The following XPOT variants were observed in gnomAD, a reference collection of about 807,000 sequenced individuals.
XPOT encodes exportin for tRNA.
XPOT carries 34 observed loss-of-function variants against 128.2 expected under a neutral mutation model. That is an observed-to-expected ratio of 0.27 (90% CI 0.20 to 0.35). The LOEUF (loss-of-function observed/expected upper bound fraction) is 0.35, where lower values mean the gene tolerates loss of function less well. Among genes scored for constraint, XPOT ranks in the 10% least tolerant of loss-of-function variants. XPOT has a pLI of 1.00. For missense variants in XPOT, 838 were observed against 1,125.3 expected, an observed-to-expected ratio of 0.74 and a Z score of 3.65; for synonymous variants, 348 against 394.3, an observed-to-expected ratio of 0.88 and a Z score of 1.39.
chr12:64,423,232 C>T lies in XPOT; in HGVS notation c.1170C>T (p.Asn390=). The part of the protein sequence containing the change: ...MKKLTYDEEY[N]FENEGEDEAM... ...AATTGACTTACGATGAAGAATATAACTTTGAAAATGAGGTAAGAATTTTTT... is the reference window on the plus strand; with the variant it reads ...AATTGACTTACGATGAAGAATATAATTTTGAAAATGAGGTAAGAATTTTTT... The change falls in exon 11 of 25, where the codon AAC becomes AAT. Residue 390 remains asparagine (N), a synonymous_variant. Coordinates refer to ENST00000332707, the MANE Select transcript of XPOT (RefSeq NM_007235.6). 1 of 1,579,796 alleles carries T rather than the reference C, an allele frequency of 6.3e-7. No individual in the cohort carries two copies. The highest frequency in any genetic ancestry group is 2.3e-5 in the East Asian group (1 of 44,234).
chr12:64,438,713 C>T (rs1181444943), intron 22 of XPOT, among the ~76,000 whole-genome samples: 1 of 151,490 alleles, frequency 6.6e-6, no homozygotes. Context: ...CTGCAGCCTG[C>T]GCCTGCCAGT....
At chr12:64,413,094 A>C (rs1339409177) in intron 2 of XPOT, among the ~76,000 whole-genome samples, 1 of 152,142 alleles carries the variant, frequency 6.6e-6, no homozygotes, top group Admixed American at 6.5e-5. Context: ...AAAAGTTTCA[A>C]CACTCTAATC....
At chr12:64,426,042 G>A in intron 15 of XPOT, 133 bp downstream of exon 15, 1 of 792,734 alleles carries the variant, frequency 1.3e-6, no homozygotes, top group Non-Finnish European at 2.1e-6. Flanking sequence ...TGTAGGCCAG[G>A]TATGGTGGCT....
chr12:64,407,561 T>A (rs2039994650), intron 1 of XPOT, among the ~76,000 whole-genome samples: 1 of 151,798 alleles, frequency 6.6e-6, no homozygotes, highest in South Asian at 2.1e-4. Context: ...GGATGGGGCA[T>A]GTAATCCAAT....
chr12:64,441,147 A>T (rs535293956), intron 23 of XPOT, among the ~76,000 whole-genome samples: 1 of 152,196 alleles, frequency 6.6e-6, no homozygotes, highest in Non-Finnish European at 1.5e-5. Flanking sequence ...GCACGTAGAT[A>T]TCCAGTTTTA....
chr12:64,412,304 C>A (rs1189375897), intron 2 of XPOT, among the ~76,000 whole-genome samples: 1 of 152,106 alleles, frequency 6.6e-6, no homozygotes, highest in Non-Finnish European at 1.5e-5. Flanking sequence ...GGATTACAGG[C>A]ATGACTCACC....
intron 1 of XPOT, among the ~76,000 whole-genome samples, chr12:64,406,105 T>C (rs2039979167): frequency 6.6e-6 from 1 of 152,176 alleles, no homozygotes; most frequent in Non-Finnish European, 1.5e-5. Flanking sequence ...ACACAGTGTC[T>C]CACTCTGTCG....
At position 64,423,016 on chromosome 12, in the gene XPOT, C is replaced by G. The variant is rs138012428; in HGVS notation, c.1092C>G (p.Leu364=). ...YLHILKQLTV[L]SDQQKANVEA... ...TTCCTTTTTAACAGCTTACAGTGCTCTCGGATCAGCAAAAAGCTAATGTAG... is the reference window on the plus strand; with the variant it reads ...TTCCTTTTTAACAGCTTACAGTGCTGTCGGATCAGCAAAAAGCTAATGTAG... The change falls in exon 10 of 25, where the codon CTC becomes CTG. Residue 364 remains leucine, a synonymous_variant. Coordinates refer to ENST00000332707, the MANE Select transcript of XPOT (RefSeq NM_007235.6). The G allele has an allele frequency of 2.7e-5, 43 of 1,613,056 alleles. No individual in the cohort carries two copies. Among genetic ancestry groups the G allele is most frequent in the Non-Finnish European group, 3.5e-5 (41 of 1,179,940 alleles).
chr12:64,427,971 T>G (rs2040206702), intron 15 of XPOT, 80 bp from the exon 16 acceptor site: 1 of 941,428 alleles, frequency 1.1e-6, no homozygotes, highest in South Asian at 1.5e-5. Flanking sequence ...TTTTTAGTTC[T>G]GTCTTAAAGG....
Position 64,430,231 on chromosome 12 carries a change from T to A in XPOT, c.1920T>A (p.Asp640Glu). 1.9e-6 allele frequency: 3 copies of A among 1,612,294 alleles called. No homozygotes were observed. Among genetic ancestry groups the A allele is most frequent in the Non-Finnish European group, 2.5e-6 (3 of 1,179,300 alleles). Residue 640 changes from aspartate to glutamate, a missense_variant, in exon 17 of 25, where the codon GAT (aspartate) becomes GAA (glutamate). This residue lies in a region of XPOT where 761 missense variants were observed against 988.3 expected (regional missense o/e 0.77). Transcript: ENST00000332707. ...ILLEKLMLAQ[D>E]EERQASLADC... is the part of the protein sequence containing the mutation. ...TAGAAAAGTTGATGCTGGCACAAGATGAAGAAAGGCAAGCCTCTCTAGCAG... is the reference window on the plus strand; with the variant it reads ...TAGAAAAGTTGATGCTGGCACAAGAAGAAGAAAGGCAAGCCTCTCTAGCAG...
At position 64,440,506 on chromosome 12, in the gene XPOT, C is replaced by T. The variant is rs543468035; in HGVS notation, c.2805+1191C>T. 1.4e-4 allele frequency among the ~76,000 whole-genome samples: 22 copies of T among 152,226 alleles called. No individual in the cohort carries two copies. The South Asian group carries it at 4.4e-3, about 30-fold the overall frequency. On this transcript the variant is annotated intron_variant, in intron 23 of 24. Coordinates refer to ENST00000332707, the MANE Select transcript of XPOT (RefSeq NM_007235.6). ...TGGGATTGCTGGATTATATGGTAGTCCTATTTTTAATTTTTTGAAGAAACA... is the reference window on the plus strand; with the variant it reads ...TGGGATTGCTGGATTATATGGTAGTTCTATTTTTAATTTTTTGAAGAAACA...
intron 1 of XPOT, chr12:64,405,479 A>C (rs2039970912): frequency 6.6e-6 from 1 of 152,242 alleles, no homozygotes; most frequent in Non-Finnish European, 1.5e-5. Flanking sequence ...GTAGGTGTAG[A>C]GGAATTTTTC....
intron 13 of XPOT, 45 bp from the exon 14 acceptor site, chr12:64,425,293 G>A: frequency 6.2e-7 from 1 of 1,609,876 alleles, no homozygotes; most frequent in East Asian, 2.2e-5. Context: ...GCATTTTGAT[G>A]TTGCAATAAA....
rs1343571226 is a variant in XPOT at position 64,404,504 on chromosome 12, C to G, written c.-375C>G. On this transcript the variant is annotated 5_prime_UTR_variant, in exon 1 of 25. Transcript: ENST00000332707. ...GCTGCGGCGGCGGCGGCGGCGTTAG[C>G]CGGCCCTCGCGCTCTTTCCCTTCCT... The G allele has an allele frequency of 6.3e-6, 1 of 158,522 alleles. No homozygotes were observed. Among genetic ancestry groups the G allele is most frequent in the East Asian group, 1.8e-4 (1 of 5,446 alleles). 9.8% of individuals were successfully genotyped at this position (158,522 alleles called of 1,614,324 possible).
In XPOT at chr12:64,421,451, T is replaced by C; in HGVS notation, c.1060T>C (p.Tyr354His). ...SSNIIGFCYD[Y>H]LHILKQLTVL... ...TAATATTATTGGATTTTGTTACGAT[T>C]ATCTTCATATTTTGAAACAGGTAAG... Residue 354 changes from tyrosine (Y) to histidine (H), a missense_variant, in exon 9 of 25, where the codon TAT (tyrosine) becomes CAT (histidine). Physicochemically the swap from Tyr to His is moderately conservative, Grantham distance 83. Around this residue, in one of 3 missense-constraint regions of XPOT, gnomAD observed 761 missense variants for 988.3 expected, o/e 0.77. Transcript: ENST00000332707. 1 of 1,611,366 alleles carries C rather than the reference T, an allele frequency of 6.2e-7. No individual in the cohort carries two copies. The highest frequency in any genetic ancestry group is 8.5e-7 in the Non-Finnish European group (1 of 1,177,568).
Position 64,430,164 on chromosome 12 carries a change from G to A in XPOT, c.1853G>A (p.Arg618Lys). ...YPAERKQALM[R>K]NLLTPLMEKF... ...GCAGAAAGGAAACAAGCCTTAATGA[G>A]GAATCTGTTGACTCCACTAATGGAG... The change falls in exon 17 of 25, where the codon AGG becomes AAG. Residue 618 changes from arginine to lysine, a missense_variant. This residue lies in a region of XPOT where 761 missense variants were observed against 988.3 expected (regional missense o/e 0.77). Coordinates refer to ENST00000332707, the MANE Select transcript of XPOT (RefSeq NM_007235.6). The A allele has an allele frequency of 6.2e-7, 1 of 1,613,892 alleles. No individual in the cohort carries two copies. Among genetic ancestry groups the A allele is most frequent in the South Asian group, 1.1e-5 (1 of 91,048 alleles).
At chr12:64,433,696 A>T in intron 19 of XPOT, 93 bp downstream of exon 19, 1 of 1,299,420 alleles carries the variant, frequency 7.7e-7, no homozygotes, top group Non-Finnish European at 1.0e-6. Flanking sequence ...TAAATACAGA[A>T]ATTTTGAAGT....
intron 23 of XPOT, among the ~76,000 whole-genome samples, chr12:64,440,025 T>C (rs935311656): frequency 6.6e-6 from 1 of 152,222 alleles, no homozygotes; most frequent in African/African-American, 2.4e-5. Context: ...CACAGTATTA[T>C]TAATTATAGG....
chr12:64,433,136 G>A (rs867274998), intron 18 of XPOT, among the ~76,000 whole-genome samples: 1 of 152,106 alleles, frequency 6.6e-6, no homozygotes, highest in African/African-American at 2.4e-5. Flanking sequence ...AGTAGAGATG[G>A]GGTTTCACCA....
Sources: allele counts gnomAD v4.1 joint callset (sites outside exome capture counted in the v4.1 genomes callset), GRCh38; gene constraint gnomAD v4.1.1; regional missense constraint gnomAD v4.1.1; transcripts MANE v1.5; gene names NCBI Gene and HGNC (gene_info 2026-07-23, HGNC 2026-07-21).